NEGR1: variants seen among roughly 807,000 people sequenced by gnomAD.
NEGR1 encodes IgLON family member 4.
Under a neutral mutation model 40.9 loss-of-function variants are expected in NEGR1, and 10 were observed. That is an observed-to-expected ratio of 0.24 (90% CI 0.15 to 0.42). NEGR1 has a LOEUF of 0.42. Ranked by LOEUF, NEGR1 falls within the 10% of genes least tolerant of loss-of-function variation. The pLI, the probability that NEGR1 is intolerant of heterozygous loss-of-function variation, is 1.00. For missense variants in NEGR1, 352 were observed against 438.9 expected (o/e 0.80, Z 1.77); for synonymous variants, 185 against 166.8 (o/e 1.11, Z -0.84).
intron 1 of NEGR1, among the ~76,000 whole-genome samples, chr1:72,087,439 AAT>A (rs1233129494): frequency 2.0e-5 from 3 of 149,498 alleles, no homozygotes; most frequent in East Asian, 2.0e-4. Flanking sequence ...TCAAAAAAAA[AAT>A]ATATATATAT....
intron 1 of NEGR1, among the ~76,000 whole-genome samples, chr1:72,264,670 T>C (rs140894750): frequency 6.6e-6 from 1 of 150,786 alleles, no homozygotes; most frequent in African/African-American, 2.4e-5. Context: ...AGTATTTTAG[T>C]TCTTAAAAAC....
At chr1:71,719,626 T>G in intron 3 of NEGR1, among the ~76,000 whole-genome samples, 1 of 152,154 alleles carries the variant, frequency 6.6e-6, no homozygotes, top group East Asian at 1.9e-4. Flanking sequence ...GCCAGTGTTT[T>G]TTTTTTTATT....
At chr1:72,220,493 T>C (rs980237983) in intron 1 of NEGR1, among the ~76,000 whole-genome samples, 3 of 151,970 alleles carry the variant, frequency 2.0e-5, no homozygotes, top group African/African-American at 7.2e-5. Context: ...AATCAGTAGA[T>C]TACTTATAAC....
chr1:72,266,839 C>CT (rs1359839813), intron 1 of NEGR1, among the ~76,000 whole-genome samples: 3 of 149,614 alleles, frequency 2.0e-5, no homozygotes, highest in African/African-American at 7.3e-5. Context: ...TATTAAAACC[C>CT]TTTTTTTTGA....
At chr1:71,883,991 T>A (rs1040057944) in intron 2 of NEGR1, among the ~76,000 whole-genome samples, 2 of 94,856 alleles carry the variant, frequency 2.1e-5, no homozygotes, top group African/African-American at 5.7e-5. Flanking sequence ...TTATTAACAT[T>A]TTTTTTTTAC....
At chr1:71,631,571 C>T (rs1163633978) in intron 4 of NEGR1, among the ~76,000 whole-genome samples, 1 of 151,760 alleles carries the variant, frequency 6.6e-6, no homozygotes, top group Admixed American at 6.6e-5. Flanking sequence ...CATTTTCCAT[C>T]CTTGAAATTT....
In NEGR1 at chr1:72,013,957, G is replaced by GAAAAATA. The variant is rs1557483739; in HGVS notation, c.177-78653_177-78647dup. 9.3e-4 allele frequency among the ~76,000 whole-genome samples: 77 copies of GAAAAATA among 82,764 alleles called. 3 individuals carry two copies. The highest frequency in any genetic ancestry group is 0.013 in the Middle Eastern group (2 of 156). The allele number at this position is 82,764 out of a possible 152,430, so 54.3% of individuals were successfully genotyped here. On this transcript the variant is annotated intron_variant, in intron 1 of 6. Transcript: ENST00000357731. The stretch of plus-strand genomic sequence containing the variant: ...ATACAAGTCCCAAGAGATGCTCTGT[G>GAAAAATA]AAAAATAAAAAAAAAAAAAAAAAAA...
At chr1:71,496,959 T>A (rs1463661124) in intron 6 of NEGR1, among the ~76,000 whole-genome samples, 1 of 152,220 alleles carries the variant, frequency 6.6e-6, no homozygotes, top group Non-Finnish European at 1.5e-5. Flanking sequence ...TAAATCAAAA[T>A]AATGCGTTAG....
intron 1 of NEGR1, among the ~76,000 whole-genome samples, chr1:72,134,424 T>C (rs2100320893): frequency 6.6e-6 from 1 of 152,032 alleles, no homozygotes; most frequent in East Asian, 2.0e-4. Flanking sequence ...CAGGATGGTC[T>C]CGATCTCCTG....
chr1:71,819,762 T>G (rs1198367592), intron 2 of NEGR1, among the ~76,000 whole-genome samples: 1 of 151,940 alleles, frequency 6.6e-6, no homozygotes, highest in African/African-American at 2.4e-5. Context: ...GAAGTTGAAA[T>G]GCTAGAATTG....
At chr1:72,214,154 A>C (rs2100468126) in intron 1 of NEGR1, among the ~76,000 whole-genome samples, 1 of 152,248 alleles carries the variant, frequency 6.6e-6, no homozygotes, top group Admixed American at 6.6e-5. Context: ...AGCCTTCAAT[A>C]AAATTCAACA....
chr1:72,108,501 T>A (rs544966928), intron 1 of NEGR1, among the ~76,000 whole-genome samples: 1 of 151,624 alleles, frequency 6.6e-6, no homozygotes, highest in Admixed American at 6.6e-5. Flanking sequence ...CCCTAGACTC[T>A]CAGAATATAT....
At chr1:72,070,824 C>T (rs1647431843) in intron 1 of NEGR1, among the ~76,000 whole-genome samples, 1 of 151,870 alleles carries the variant, frequency 6.6e-6, no homozygotes. Context: ...GCATGGGAGA[C>T]AGCATATTAG....
intron 1 of NEGR1, among the ~76,000 whole-genome samples, chr1:72,055,488 G>A (rs895969835): frequency 1.3e-5 from 2 of 151,016 alleles, no homozygotes; most frequent in Non-Finnish European, 3.0e-5. Flanking sequence ...GAGATAAAGT[G>A]TAATTGTTTT....
At chr1:71,717,664 G>A (rs1654322189) in intron 3 of NEGR1, among the ~76,000 whole-genome samples, 1 of 152,180 alleles carries the variant, frequency 6.6e-6, no homozygotes, top group Non-Finnish European at 1.5e-5. Flanking sequence ...TTTAGATGCT[G>A]TTGTGGACTC....
At chr1:71,681,914 C>A (rs188237305) in intron 4 of NEGR1, among the ~76,000 whole-genome samples, 1 of 152,140 alleles carries the variant, frequency 6.6e-6, no homozygotes, top group South Asian at 2.1e-4. Context: ...GCAACTTTCA[C>A]CTCCAGGGTT....
chr1:72,113,282 T>C (rs866902345), intron 1 of NEGR1, among the ~76,000 whole-genome samples: 1 of 151,656 alleles, frequency 6.6e-6, no homozygotes, highest in South Asian at 2.1e-4. Flanking sequence ...GAAGAAAAAC[T>C]GGCTTTATTG....
At position 72,264,997 on chromosome 1, in the gene NEGR1, C is replaced by T. The variant is rs536975224; in HGVS notation, c.176+17322G>A. 5.3e-5 allele frequency among the ~76,000 whole-genome samples: 8 copies of T among 150,364 alleles called. No homozygotes were observed. In the South Asian group the frequency reaches 8.3e-4, roughly 16 times the overall value. On this transcript the variant is annotated intron_variant, in intron 1 of 6. Transcript: ENST00000357731. ...TAAATTACTGTACTGAATAAATTTC[C>T]GGTTATTTATTTAACTGTCATTTCT...
rs550684141 is a variant in NEGR1 at position 71,432,273 on chromosome 1, G to A, written c.941-24703C>T. The stretch of plus-strand genomic sequence containing the variant: ...CAATAGTTCTAACAGAGATAATAGA[G>A]CATGTATATTAGCAATTGCTCTTTT... On this transcript the variant is annotated intron_variant, in intron 6 of 6. Coordinates refer to ENST00000357731, the MANE Select transcript of NEGR1 (RefSeq NM_173808.3). Among the ~76,000 whole-genome samples, 25 of 152,226 alleles carry A rather than the reference G, an allele frequency of 1.6e-4. No homozygotes were observed. In the East Asian group the frequency reaches 4.8e-3, roughly 29 times the overall value.
Sources: allele counts gnomAD v4.1 joint callset (sites outside exome capture counted in the v4.1 genomes callset), GRCh38; gene constraint gnomAD v4.1.1; transcripts MANE v1.5; gene names NCBI Gene and HGNC (gene_info 2026-07-23, HGNC 2026-07-21).